BEND2: variants seen among roughly 807,000 people sequenced by gnomAD.
BEND2 encodes the protein BEN domain-containing protein 2.
In BEND2, 19 loss-of-function variants were observed where a neutral mutation model predicts 43.8. The observed-to-expected ratio is 0.43, with a 90% CI of 0.30 to 0.64. The LOEUF is 0.64. Ranked by LOEUF, BEND2 falls within the 30% of genes least tolerant of loss-of-function variation. BEND2 has a pLI of 0.11. For synonymous variants in BEND2, 226 were observed against 210.1 expected (o/e 1.08, Z -0.66); for missense variants, 544 against 574.0 (o/e 0.95, Z 0.53).
At chrX:18,204,309 T>C (rs1925264733) in intron 4 of BEND2, among the ~76,000 whole-genome samples, 1 of 112,263 alleles carries the variant, frequency 8.9e-6, no homozygotes, top group African/African-American at 3.2e-5. Context: ...TTAAAGTAAG[T>C]AGAGAAAAGC....
rs978438108 is a variant in BEND2 at position 18,182,186 on chromosome X, C to T, written c.1289-1536G>A. Among the ~76,000 whole-genome samples, 3 of 111,264 alleles carry T rather than the reference C, an allele frequency of 2.7e-5. No homozygotes were observed. The Admixed American group carries it at 2.9e-4, about 11-fold the overall frequency. On this transcript the variant is annotated intron_variant, in intron 8 of 13. Transcript: ENST00000380033. ...GTGGGAGGTGACTGGATAATGTGCA[C>T]AGATTTCCCCCTTGCTGGTCTCATG...
At chrX:18,216,859 T>A in intron 1 of BEND2, 126 bp from the exon 2 acceptor site, 1 of 530,078 alleles carries the variant, frequency 1.9e-6, no homozygotes, top group Non-Finnish European at 3.0e-6. Context: ...TTGTATTACA[T>A]ATTTTTATAT....
intron 1 of BEND2, among the ~76,000 whole-genome samples, 191 bp downstream of exon 1, chrX:18,220,535 C>T (rs1487650248): frequency 8.9e-6 from 1 of 111,945 alleles, no homozygotes; most frequent in Non-Finnish European, 1.9e-5. Context: ...TCCACCACGC[C>T]AAATTTCCCA....
chrX:18,176,627 T>A (rs1924168368), intron 10 of BEND2, among the ~76,000 whole-genome samples: 1 of 109,632 alleles, frequency 9.1e-6, no homozygotes, highest in Non-Finnish European at 1.9e-5. Flanking sequence ...TGCACCGAGC[T>A]ATGATCAAAC....
At chrX:18,192,327 G>A (rs927194201) in intron 7 of BEND2, among the ~76,000 whole-genome samples, 1 of 111,889 alleles carries the variant, frequency 8.9e-6, no homozygotes. Flanking sequence ...AGGGAAAACT[G>A]AAGTATTTGT....
Position 18,166,392 on chromosome X carries a change from G to A in BEND2, c.2186-1169C>T, listed in dbSNP as rs182857365. ...GCGCAAATGGGAAATGCTACCCTCCGCAGCTAGTCACCACTTGGGGATTTA... is the reference window on the plus strand; with the variant it reads ...GCGCAAATGGGAAATGCTACCCTCCACAGCTAGTCACCACTTGGGGATTTA... On this transcript the variant is annotated intron_variant, in intron 13 of 13. Transcript: ENST00000380033. 4.5e-5 allele frequency among the ~76,000 whole-genome samples: 5 copies of A among 111,739 alleles called. No individual in the cohort carries two copies. The East Asian group carries it at 1.1e-3, about 25-fold the overall frequency.
chrX:18,196,434 C>G (rs1924955242), intron 6 of BEND2, among the ~76,000 whole-genome samples: 1 of 110,878 alleles, frequency 9.0e-6, no homozygotes, highest in South Asian at 3.8e-4. Flanking sequence ...CATGCTAGTA[C>G]CATAAGACCC....
intron 10 of BEND2, among the ~76,000 whole-genome samples, chrX:18,177,097 G>A (rs908438632): frequency 8.2e-5 from 9 of 110,171 alleles, no homozygotes; most frequent in African/African-American, 3.0e-4. Context: ...GTATCCATGA[G>A]TTCTAGGATC....
At chrX:18,216,269 A>T (rs1172774564) in intron 2 of BEND2, among the ~76,000 whole-genome samples, 1 of 110,669 alleles carries the variant, frequency 9.0e-6, no homozygotes, top group Non-Finnish European at 1.9e-5. Flanking sequence ...CCAGATATAA[A>T]TAATTGTTCA....
At position 18,212,683 on chromosome X, in the gene BEND2, G is replaced by A. The variant is rs775756527; in HGVS notation, c.377-3C>T. Reference sequence around the variant, plus strand: ...AACTATTTGGTCACCATGGGCTACTGTGAAGCAATGCATTAAAAAGTTATT... The same window carrying A: ...AACTATTTGGTCACCATGGGCTACTATGAAGCAATGCATTAAAAAGTTATT... On this transcript the variant is annotated splice_polypyrimidine_tract_variant and splice_region_variant and intron_variant, in intron 3 of 13. Transcript: ENST00000380033. The A allele has an allele frequency of 8.8e-7, 1 of 1,135,489 alleles. No individual in the cohort carries two copies. 93.6% of individuals were successfully genotyped at this position (1,135,489 alleles called of 1,213,427 possible).
intron 8 of BEND2, among the ~76,000 whole-genome samples, chrX:18,186,271 A>G (rs1216243872): frequency 9.1e-6 from 1 of 110,269 alleles, no homozygotes; most frequent in Non-Finnish European, 1.9e-5. Flanking sequence ...CAGCCTGGCC[A>G]ACATGGTGAA....
chrX:18,190,223 C>A (rs913915773), intron 8 of BEND2, among the ~76,000 whole-genome samples: 1 of 111,405 alleles, frequency 9.0e-6, no homozygotes, highest in Non-Finnish European at 1.9e-5. Context: ...TTGCACTCTT[C>A]GGCATTTATC....
At chrX:18,166,752 T>C (rs1285025081) in intron 13 of BEND2, among the ~76,000 whole-genome samples, 1 of 109,772 alleles carries the variant, frequency 9.1e-6, no homozygotes, top group Non-Finnish European at 1.9e-5. Flanking sequence ...TAGCCAGGCA[T>C]GGTGGTGCAT....
Position 18,163,762 on chromosome X carries a change from TA to T in BEND2, c.*1246del, listed in dbSNP as rs1393646064. 1 of 112,220 alleles carries T rather than the reference TA, an allele frequency of 8.9e-6. No individual in the cohort carries two copies. The highest frequency in any genetic ancestry group is 3.7e-4 in the South Asian group (1 of 2,717). 9.2% of individuals were successfully genotyped at this position (112,220 alleles called of 1,213,427 possible). The stretch of plus-strand genomic sequence containing the variant: ...CTAGGGTCGAACTGTACTTTTCTTT[TA>T]AAAAAATTTTATTTTTAATTGACAA... On this transcript the variant is annotated 3_prime_UTR_variant, in exon 14 of 14. Coordinates refer to ENST00000380033, the MANE Select transcript of BEND2 (RefSeq NM_153346.5).
intron 1 of BEND2, 52 bp downstream of exon 1, chrX:18,220,674 G>A: frequency 1.7e-6 from 2 of 1,206,323 alleles, no homozygotes; most frequent in Non-Finnish European, 2.2e-6. Context: ...CCAGACTCTT[G>A]ACAGAACTTG....
chrX:18,214,201 T>G (rs1226215013), intron 2 of BEND2, among the ~76,000 whole-genome samples: 1 of 111,360 alleles, frequency 9.0e-6, no homozygotes. Flanking sequence ...GGAGGATCAA[T>G]TGAGCCCCGG....
chrX:18,220,653 G>A (rs1925842736), intron 1 of BEND2, 73 bp downstream of exon 1: 2 of 1,184,847 alleles, frequency 1.7e-6, no homozygotes, highest in Non-Finnish European at 1.1e-6. Context: ...GGCCACCTAA[G>A]TGGGTGCCAT....
Position 18,164,918 on chromosome X carries a change from G to T in BEND2, c.*91C>A. 1.0e-6 allele frequency: 1 copy of T among 982,928 alleles called. No individual in the cohort carries two copies. Among genetic ancestry groups the T allele is most frequent in the Non-Finnish European group, 1.4e-6 (1 of 723,684 alleles). The allele number at this position is 982,928 out of a possible 1,213,427, so 81.0% of individuals were successfully genotyped here. A position where few individuals can be genotyped will look rare whatever the true frequency, so the allele number is the denominator to read the frequency against. On this transcript the variant is annotated 3_prime_UTR_variant, in exon 14 of 14. Coordinates refer to ENST00000380033, the MANE Select transcript of BEND2 (RefSeq NM_153346.5). The stretch of plus-strand genomic sequence containing the variant: ...GGTGTCAATGCAAACTACTCTGCCA[G>T]TACAGCAGGCTGATTTTGGAATTAG...
At chrX:18,206,793 CT>C (rs1282249011) in intron 4 of BEND2, among the ~76,000 whole-genome samples, 1 of 111,575 alleles carries the variant, frequency 9.0e-6, no homozygotes, top group Admixed American at 9.5e-5. Context: ...GACTAGAGGG[CT>C]GAGGTAGGCC....
Sources: gnomAD v4.1 joint callset for allele counts (sites outside exome capture counted in the v4.1 genomes callset) on GRCh38, gnomAD v4.1.1 for gene constraint, MANE v1.5 for transcripts, NCBI Gene and HGNC (gene_info 2026-07-23, HGNC 2026-07-21) for gene names.